ESRRG: variants seen among roughly 807,000 people sequenced by gnomAD.
The protein encoded by ESRRG is estrogen related receptor gamma, also known as estrogen-related receptor gamma.
ESRRG carries 13 observed loss-of-function variants against 44.0 expected under a neutral mutation model. That is an observed-to-expected ratio of 0.30 (90% CI 0.19 to 0.47). ESRRG has a LOEUF of 0.47. ESRRG is among the 20% of genes least tolerant of loss of function. ESRRG has a pLI of 1.00. For missense variants in ESRRG, 395 were observed against 580.6 expected (o/e 0.68, Z 3.29); for synonymous variants, 215 against 214.6 (o/e 1.00, Z -0.02).
intron 1 of ESRRG, among the ~76,000 whole-genome samples, chr1:216,717,556 A>G (rs1021515232): frequency 1.3e-5 from 2 of 151,850 alleles, no homozygotes; most frequent in Non-Finnish European, 1.5e-5. Flanking sequence ...ATTTGTTAAA[A>G]TGTTATGCAA....
chr1:216,508,180 C>T (rs1553272324), intron 6 of ESRRG, among the ~76,000 whole-genome samples: 1 of 152,028 alleles, frequency 6.6e-6, no homozygotes, highest in South Asian at 2.1e-4. Context: ...ACATAGATCA[C>T]ATGAACAAAA....
At chr1:216,741,354 A>G (rs961330579) in intron 2 of ESRRG, among the ~76,000 whole-genome samples, 3 of 149,896 alleles carry the variant, frequency 2.0e-5, no homozygotes, top group African/African-American at 7.4e-5. Flanking sequence ...ACCTGTTCAC[A>G]ATCCTGTGTC....
At chr1:216,853,337 C>G (rs1467707263) in intron 2 of ESRRG, among the ~76,000 whole-genome samples, 1 of 152,170 alleles carries the variant, frequency 6.6e-6, no homozygotes, top group South Asian at 2.1e-4. Flanking sequence ...AAATATCCAG[C>G]GTGGATTATG....
At chr1:216,917,652 A>G (rs1442116699) in intron 2 of ESRRG, among the ~76,000 whole-genome samples, 1 of 152,178 alleles carries the variant, frequency 6.6e-6, no homozygotes, top group Non-Finnish European at 1.5e-5. Context: ...CAGAGTCCAC[A>G]GTTCACGTTA....
intron 1 of ESRRG, among the ~76,000 whole-genome samples, chr1:217,128,088 A>C (rs569488054): frequency 2.0e-5 from 3 of 152,262 alleles, no homozygotes; most frequent in African/African-American, 7.2e-5. Flanking sequence ...CCATTAGCAC[A>C]CTCCATAAAA....
intron 1 of ESRRG, among the ~76,000 whole-genome samples, chr1:216,967,467 C>T (rs756615478): frequency 6.6e-6 from 1 of 152,138 alleles, no homozygotes; most frequent in Non-Finnish European, 1.5e-5. Flanking sequence ...TCTAGAAAGA[C>T]ATATAGTTTA....
intron 3 of ESRRG, among the ~76,000 whole-genome samples, chr1:216,609,428 T>C (rs2060331466): frequency 6.6e-6 from 1 of 152,218 alleles, no homozygotes; most frequent in South Asian, 2.1e-4. Context: ...CACCTTTATC[T>C]ACCCTGGAGA....
intron 1 of ESRRG, among the ~76,000 whole-genome samples, chr1:217,103,586 C>A (rs113271598): frequency 6.6e-6 from 1 of 151,652 alleles, no homozygotes; most frequent in Non-Finnish European, 1.5e-5. Context: ...TCAGCCCAGG[C>A]GTTTGAGGCT....
intron 4 of ESRRG, 140 bp from the exon 5 acceptor site, chr1:216,564,520 T>C (rs889546214): frequency 1.8e-6 from 1 of 561,556 alleles, no homozygotes; most frequent in South Asian, 3.6e-5. Context: ...GCTCAATAGG[T>C]ATATATTAAA....
intron 1 of ESRRG, among the ~76,000 whole-genome samples, chr1:217,085,556 T>C (rs2092037008): frequency 7.6e-6 from 1 of 130,796 alleles, no homozygotes. Context: ...AGTGGCGCCA[T>C]CTCGGCTGAC....
chr1:217,078,948 C>G (rs1169365889), intron 1 of ESRRG, among the ~76,000 whole-genome samples: 1 of 152,152 alleles, frequency 6.6e-6, no homozygotes, highest in Non-Finnish European at 1.5e-5. Context: ...CAAAACTTCA[C>G]TCCAACAGAA....
At chr1:216,660,777 G>T (rs1312841159) in intron 2 of ESRRG, among the ~76,000 whole-genome samples, 2 of 152,010 alleles carry the variant, frequency 1.3e-5, no homozygotes, top group African/African-American at 4.8e-5. Context: ...GATAGGATAG[G>T]GTTGCTTTTA....
chr1:217,052,670 C>T (rs1308070662), intron 1 of ESRRG, among the ~76,000 whole-genome samples: 1 of 152,186 alleles, frequency 6.6e-6, no homozygotes, highest in East Asian at 1.9e-4. Context: ...AAAGGGACAA[C>T]TGCTAGTCAA....
chr1:216,879,552 T>C (rs1357080817), intron 2 of ESRRG, among the ~76,000 whole-genome samples: 2 of 150,658 alleles, frequency 1.3e-5, no homozygotes. Flanking sequence ...GCTGCCACGA[T>C]GCTGCATTAA....
intron 1 of ESRRG, among the ~76,000 whole-genome samples, chr1:217,008,296 C>T (rs980177307): frequency 6.6e-6 from 1 of 152,238 alleles, no homozygotes; most frequent in Non-Finnish European, 1.5e-5. Context: ...GAACTAAGAT[C>T]TGGAACATAG....
chr1:217,053,659 T>C (rs1339179877), intron 1 of ESRRG, among the ~76,000 whole-genome samples: 1 of 152,148 alleles, frequency 6.6e-6, no homozygotes, highest in African/African-American at 2.4e-5. Context: ...TTCCAAATAA[T>C]TTGCATGGCA....
At chr1:216,557,713 T>A (rs1201984225) in intron 5 of ESRRG, among the ~76,000 whole-genome samples, 2 of 152,150 alleles carry the variant, frequency 1.3e-5, no homozygotes, top group East Asian at 3.9e-4. Context: ...ACTAATAAAG[T>A]TGTAAACCAA....
chr1:216,812,490 A>T (rs1008448869), intron 2 of ESRRG, among the ~76,000 whole-genome samples: 8 of 152,180 alleles, frequency 5.3e-5, no homozygotes, highest in African/African-American at 1.9e-4. Context: ...ACATGGCAAA[A>T]AAAAAGAATA....
intron 2 of ESRRG, among the ~76,000 whole-genome samples, chr1:216,850,353 C>T (rs1202807608): frequency 6.6e-6 from 1 of 151,888 alleles, no homozygotes; most frequent in Admixed American, 6.6e-5. Context: ...CAGAAGAAAA[C>T]ATCAATTCAT....
Sources: allele counts gnomAD v4.1 joint callset (sites outside exome capture counted in the v4.1 genomes callset), GRCh38; gene constraint gnomAD v4.1.1; transcripts MANE v1.5; gene names NCBI Gene and HGNC (gene_info 2026-07-23, HGNC 2026-07-21).